Variants in LYPLAL1 observed in about 807,000 individuals in gnomAD.
The protein encoded by LYPLAL1 is lysophospholipase-like protein 1.
Under a neutral mutation model 19.7 loss-of-function variants are expected in LYPLAL1, and 23 were observed. The ratio of observed to expected loss-of-function variants is 1.17; its 90% CI spans 0.84 to 1.65. The LOEUF (loss-of-function observed/expected upper bound fraction) is 1.65. LYPLAL1 is among the 40% of genes most tolerant of loss of function. The pLI is 0.00. For synonymous variants in LYPLAL1, 119 were observed against 96.3 expected, an observed-to-expected ratio of 1.24 and a Z score of -1.38; for missense variants, 355 against 279.4, an observed-to-expected ratio of 1.27 and a Z score of -1.93.
the LYPLAL1 span, among the ~76,000 whole-genome samples, chr1:219,380,420 A>G: frequency 6.6e-6 from 1 of 152,322 alleles, no homozygotes; most frequent in East Asian, 1.9e-4. Context: ...GCTCATTGGA[A>G]GAGTCCTGGG....
At chr1:219,222,501 G>A in the LYPLAL1 span, 1 of 152,148 alleles carries the variant, frequency 6.6e-6, no homozygotes, top group African/African-American at 2.4e-5. Context: ...GTTCTGAGGT[G>A]TTTCACTGCC....
the LYPLAL1 span, among the ~76,000 whole-genome samples, chr1:219,318,412 A>G: frequency 6.6e-6 from 1 of 150,416 alleles, no homozygotes; most frequent in Non-Finnish European, 1.5e-5. Flanking sequence ...CCAAACCATG[A>G]TCTCTTCTTC....
At chr1:219,208,891 A>G (rs1341305873) in intron 3 of LYPLAL1, among the ~76,000 whole-genome samples, 1 of 152,262 alleles carries the variant, frequency 6.6e-6, no homozygotes, top group South Asian at 2.1e-4. Flanking sequence ...TACCAGAAAT[A>G]CTAATTTGTG....
chr1:219,427,317 T>C, the LYPLAL1 span, among the ~76,000 whole-genome samples: 3 of 152,214 alleles, frequency 2.0e-5, no homozygotes, highest in African/African-American at 4.8e-5. Context: ...AAAACATGAA[T>C]AGGTCTAGAG....
At chr1:219,427,233 T>G in the LYPLAL1 span, among the ~76,000 whole-genome samples, 1 of 152,196 alleles carries the variant, frequency 6.6e-6, no homozygotes, top group African/African-American at 2.4e-5. Context: ...TATTAAAGTG[T>G]AAAAATGTGG....
chr1:219,357,388 G>T, the LYPLAL1 span, among the ~76,000 whole-genome samples: 5 of 151,742 alleles, frequency 3.3e-5, no homozygotes, highest in Non-Finnish European at 5.9e-5. Context: ...AAGAAAACAA[G>T]GAACATAATT....
At chr1:219,394,703 T>C in the LYPLAL1 span, among the ~76,000 whole-genome samples, 35 of 152,250 alleles carry the variant, frequency 2.3e-4, no homozygotes, top group African/African-American at 7.9e-4. Context: ...TCACAGGGGT[T>C]TGTTATATAG....
At chr1:219,188,759 A>T (rs908816141) in intron 2 of LYPLAL1, among the ~76,000 whole-genome samples, 2 of 150,858 alleles carry the variant, frequency 1.3e-5, no homozygotes, top group African/African-American at 4.9e-5. Context: ...TTGATTGATT[A>T]ACTTAGGAAC....
chr1:219,275,896 A>T, the LYPLAL1 span, among the ~76,000 whole-genome samples: 1 of 152,196 alleles, frequency 6.6e-6, no homozygotes, highest in Non-Finnish European at 1.5e-5. Flanking sequence ...CTTGAGCTTT[A>T]TATGCTGCTA....
At chr1:219,313,235 G>T in the LYPLAL1 span, among the ~76,000 whole-genome samples, 1 of 152,178 alleles carries the variant, frequency 6.6e-6, no homozygotes, top group African/African-American at 2.4e-5. Context: ...ACTGTCTACC[G>T]CCACTACTGA....
At chr1:219,174,305 GTAAGTCTTCTGCTAGAGGGAAATTA>G in intron 1 of LYPLAL1, 6 of 1,200,056 alleles carry the variant, frequency 5.0e-6, no homozygotes, top group Non-Finnish European at 6.3e-6. Flanking sequence ...AGTTAGTAAG[GTAAGTCTTCTGCTAGAGGGAAATTA>G]TTTAGTGTTT....
In LYPLAL1 at chr1:219,197,903, T is replaced by G. The variant is rs374179656; in HGVS notation, c.361+4652T>G. 3.9e-5 allele frequency among the ~76,000 whole-genome samples: 6 copies of G among 152,262 alleles called. No individual in the cohort carries two copies. The East Asian group carries it at 9.7e-4, about 25-fold the overall frequency. ...ACAGTAGCAGGAGAGGTTACCTGTT[T>G]GAGCACCTATATTTTCTTAGAGGGA... On this transcript the variant is annotated intron_variant, in intron 3 of 4. Coordinates refer to ENST00000366928, the MANE Select transcript of LYPLAL1 (RefSeq NM_138794.5).
At chr1:219,216,742 C>T (rs558522946), downstream of LYPLAL1, among the ~76,000 whole-genome samples, 8 of 152,194 alleles carry the variant, frequency 5.3e-5, no homozygotes, top group East Asian at 1.6e-3. Context: ...GAACTCTAAG[C>T]TCTTGACCTC....
the LYPLAL1 span, among the ~76,000 whole-genome samples, chr1:219,390,108 C>T: frequency 6.6e-6 from 1 of 152,056 alleles, no homozygotes; most frequent in African/African-American, 2.4e-5. Context: ...TTCATTTTGT[C>T]TCCCATAAGC....
At chr1:219,299,971 A>T in the LYPLAL1 span, among the ~76,000 whole-genome samples, 51 of 152,316 alleles carry the variant, frequency 3.3e-4, no homozygotes, top group African/African-American at 1.2e-3. Context: ...AAACACTGTT[A>T]TAGGCTTGCT....
At chr1:219,321,773 A>G in the LYPLAL1 span, among the ~76,000 whole-genome samples, 1 of 152,172 alleles carries the variant, frequency 6.6e-6, no homozygotes, top group Admixed American at 6.5e-5. Flanking sequence ...TACCAGGAAT[A>G]AAAGTTAAGA....
At chr1:219,215,175 G>A (rs1455302855), downstream of LYPLAL1, among the ~76,000 whole-genome samples, 1 of 151,988 alleles carries the variant, frequency 6.6e-6, no homozygotes, top group African/African-American at 2.4e-5. Flanking sequence ...ATAAATTTCA[G>A]CTTTTGTGTC....
At chr1:219,408,443 G>A in the LYPLAL1 span, among the ~76,000 whole-genome samples, 1 of 152,116 alleles carries the variant, frequency 6.6e-6, no homozygotes, top group East Asian at 1.9e-4. Context: ...AGGCCACTAA[G>A]AGCTTGTGCT....
intron 3 of LYPLAL1, among the ~76,000 whole-genome samples, chr1:219,194,720 G>C (rs757915403): frequency 6.6e-6 from 1 of 152,016 alleles, no homozygotes; most frequent in Non-Finnish European, 1.5e-5. Context: ...TAAATTGTCA[G>C]TACTGTAGGA....
Sources: allele counts gnomAD v4.1 joint callset (sites outside exome capture counted in the v4.1 genomes callset), GRCh38; gene constraint gnomAD v4.1.1; transcripts MANE v1.5; gene names NCBI Gene and HGNC (gene_info 2026-07-23, HGNC 2026-07-21).